Variants in SEMA4A observed in about 807,000 individuals in gnomAD.
SEMA4A encodes the protein semaphorin 4A, also known as semaphorin-4A.
Under a neutral mutation model 72.5 loss-of-function variants are expected in SEMA4A, and 52 were observed. The observed-to-expected ratio is 0.72, with a 90% CI of 0.57 to 0.90. The LOEUF (loss-of-function observed/expected upper bound fraction) is 0.90. SEMA4A is among the 40% of genes least tolerant of loss of function. The pLI is 0.00. For synonymous variants in SEMA4A, 369 were observed against 393.1 expected, an observed-to-expected ratio of 0.94 and a Z score of 0.73; for missense variants, 926 against 959.7, an observed-to-expected ratio of 0.96 and a Z score of 0.46.
At chr1:156,170,799 T>C (rs1400387240) in intron 10 of SEMA4A, among the ~76,000 whole-genome samples, 3 of 149,460 alleles carry the variant, frequency 2.0e-5, no homozygotes, top group Admixed American at 2.0e-4. Context: ...CACACACCTG[T>C]GGTTCCAGCT....
intron 6 of SEMA4A, among the ~76,000 whole-genome samples, chr1:156,160,091 G>C (rs978724441): frequency 6.6e-6 from 1 of 152,018 alleles, no homozygotes; most frequent in South Asian, 2.1e-4. Flanking sequence ...GGGAGAGAAG[G>C]GTAGGACCCA....
chr1:156,164,019 A>G (rs1653930946), intron 10 of SEMA4A, among the ~76,000 whole-genome samples: 1 of 150,204 alleles, frequency 6.7e-6, no homozygotes, highest in Non-Finnish European at 1.5e-5. Context: ...GACCAGAGCA[A>G]GATGCTGTCT....
At position 156,163,007 on chromosome 1, in the gene SEMA4A, C is replaced by T. The variant is rs202047148; in HGVS notation, c.1047C>T (p.Val349=). Reference sequence around the variant, plus strand: ...TCTCTCTCTTGGACATTGAACGTGTCTTTAAGGGGAAATACAAAGAGTTGA... The same window carrying T: ...TCTCTCTCTTGGACATTGAACGTGTTTTTAAGGGGAAATACAAAGAGTTGA... The part of the protein sequence containing the change: ...CAFSLLDIER[V]FKGKYKELNK... Residue 349 remains valine, a synonymous_variant, in exon 10 of 15, where the codon GTC becomes GTT. Coordinates refer to ENST00000368285, the MANE Select transcript of SEMA4A (RefSeq NM_022367.4). 5.3e-5 allele frequency: 85 copies of T among 1,614,160 alleles called. No individual in the cohort carries two copies. The Middle Eastern group carries it at 8.3e-4, about 16-fold the overall frequency.
chr1:156,176,857 G>T lies in SEMA4A; in HGVS notation c.2146G>T (p.Val716Phe), dbSNP rs754560663. Residue 716 changes from valine (V) to phenylalanine (F), a missense_variant, in exon 15 of 15, where the codon GTT becomes TTT. Coordinates refer to ENST00000368285, the MANE Select transcript of SEMA4A (RefSeq NM_022367.4). ...PLRALRARGK[V>F]QGCETLRPGE... is the part of the protein sequence containing the mutation. ...GAGAGCACTCCGGGCTCGGGGCAAG[G>T]TTCAGGGCTGTGAGACCCTGCGCCC... 6.2e-6 allele frequency: 10 copies of T among 1,614,134 alleles called. No homozygotes were observed. In the African/African-American group the frequency reaches 9.3e-5, roughly 15 times the overall value.
chr1:156,170,544 C>A (rs1654622947), intron 10 of SEMA4A, among the ~76,000 whole-genome samples: 1 of 141,996 alleles, frequency 7.0e-6, no homozygotes, highest in Admixed American at 7.3e-5. Flanking sequence ...ATCATGAGGT[C>A]AGATCGAGAC....
chr1:156,161,856 C>T (rs948968017), intron 9 of SEMA4A, among the ~76,000 whole-genome samples: 1 of 152,228 alleles, frequency 6.6e-6, no homozygotes, highest in Non-Finnish European at 1.5e-5. Context: ...GGCCAACACA[C>T]TACAAATGCT....
intron 3 of SEMA4A, 120 bp downstream of exon 3, chr1:156,156,694 CT>C: frequency 1.1e-6 from 1 of 918,422 alleles, no homozygotes; most frequent in Non-Finnish European, 1.7e-6. Context: ...CAGCAGTTCT[CT>C]TTATATGTAT....
upstream of SEMA4A, among the ~76,000 whole-genome samples, chr1:156,151,872 C>T (rs988796813): frequency 7.5e-5 from 11 of 146,834 alleles, no homozygotes; most frequent in Admixed American, 4.7e-4. Context: ...AAAGCCCACT[C>T]TTGGTTTAAT....
chr1:156,153,540 CAACTCGAG>C (rs1156607489), upstream of SEMA4A: 8 of 152,442 alleles, frequency 5.2e-5, no homozygotes, highest in African/African-American at 1.9e-4. Context: ...GGATCTGTCA[CAACTCGAG>C]AGGTGGAAAT....
intron 10 of SEMA4A, among the ~76,000 whole-genome samples, chr1:156,163,720 CAAAAAAAAAAAAA>C (rs34408918): frequency 1.7e-4 from 3 of 17,754 alleles, no homozygotes; most frequent in African/African-American, 2.2e-4. Context: ...GACTCAGTCT[CAAAAAAAAAAAAA>C]AAAAAAAAAA....
At chr1:156,163,807 C>G (rs1367052599) in intron 10 of SEMA4A, among the ~76,000 whole-genome samples, 1 of 145,308 alleles carries the variant, frequency 6.9e-6, no homozygotes, top group Non-Finnish European at 1.5e-5. Flanking sequence ...GAGACTGAGA[C>G]AGGAGGTTCA....
At chr1:156,164,259 A>T (rs1396451027) in intron 10 of SEMA4A, among the ~76,000 whole-genome samples, 1 of 152,104 alleles carries the variant, frequency 6.6e-6, no homozygotes, top group Non-Finnish European at 1.5e-5. Context: ...CTTTTAGCTG[A>T]TTCTTTTCAA....
Position 156,156,401 on chromosome 1 carries a change from A to T in SEMA4A, c.140-13A>T. The T allele has an allele frequency of 6.2e-7, 1 of 1,613,442 alleles. No homozygotes were observed. On this transcript the variant is annotated splice_polypyrimidine_tract_variant and intron_variant, in intron 2 of 14. Transcript: ENST00000368285. The stretch of plus-strand genomic sequence containing the variant: ...AAGTCCTCATCACTCTCTCTGTCTT[A>T]CTCCTCCAACAGGGGATGAACGTAG...
In SEMA4A at chr1:156,172,847, G is replaced by A. The variant is rs756530768; in HGVS notation, c.1156G>A (p.Asp386Asn). ...PGSCSVGPSSDKALTFMKDHF... is the reference protein window; with the variant it reads ...PGSCSVGPSSNKALTFMKDHF... ...TTAGTGCTCAGTGGGCCCCTCCTCTGATAAGGCCCTGACCTTCATGAAGGA... is the reference window on the plus strand; with the variant it reads ...TTAGTGCTCAGTGGGCCCCTCCTCTAATAAGGCCCTGACCTTCATGAAGGA... Residue 386 changes from aspartate to asparagine, a missense_variant, in exon 11 of 15, where the codon GAT (aspartate) becomes AAT (asparagine). By Grantham distance (23) the Asp-to-Asn change is conservative (BLOSUM62 1). Transcript: ENST00000368285. 1.9e-6 allele frequency: 3 copies of A among 1,614,174 alleles called. No homozygotes were observed. Among genetic ancestry groups the A allele is most frequent in the Non-Finnish European group, 2.5e-6 (3 of 1,180,022 alleles).
At chr1:156,164,197 T>C (rs1469148441) in intron 10 of SEMA4A, among the ~76,000 whole-genome samples, 2 of 152,158 alleles carry the variant, frequency 1.3e-5, no homozygotes, top group South Asian at 2.1e-4. Context: ...GGGTTGACTA[T>C]AAAAAGCAGT....
chr1:156,175,454 C>CCCTGG, intron 13 of SEMA4A, 102 bp from the exon 14 acceptor site: 1 of 1,121,172 alleles, frequency 8.9e-7, no homozygotes, highest in Non-Finnish European at 1.3e-6. Flanking sequence ...TCCTAGTCTC[C>CCCTGG]CCTGGCCTAC....
At chr1:156,153,299 T>C (rs1652695876), upstream of SEMA4A, 1 of 152,120 alleles carries the variant, frequency 6.6e-6, no homozygotes, top group Admixed American at 6.6e-5. Flanking sequence ...AAAAGAAGAA[T>C]ATGTCATGTC....
At chr1:156,172,318 G>C (rs1654876483) in intron 10 of SEMA4A, among the ~76,000 whole-genome samples, 1 of 151,894 alleles carries the variant, frequency 6.6e-6, no homozygotes, top group Non-Finnish European at 1.5e-5. Flanking sequence ...GTTTCACCAT[G>C]CTAGCCAGGC....
chr1:156,147,382 G>C (rs1207298818), upstream of SEMA4A: 1 of 151,772 alleles, frequency 6.6e-6, no homozygotes, highest in Non-Finnish European at 1.5e-5. Flanking sequence ...TGCAGACTCT[G>C]CTGGAAGTCT....
Sources: allele counts gnomAD v4.1 joint callset (sites outside exome capture counted in the v4.1 genomes callset), GRCh38; gene constraint gnomAD v4.1.1; transcripts MANE v1.5; gene names NCBI Gene and HGNC (gene_info 2026-07-23, HGNC 2026-07-21).